The following NSD3 variants were observed in gnomAD, a reference collection of about 807,000 sequenced individuals.
NSD3 encodes the protein nuclear receptor binding SET domain protein 3, also known as histone-lysine N-methyltransferase NSD3.
In NSD3, 24 loss-of-function variants were observed where a neutral mutation model predicts 160.8. That is an observed-to-expected ratio of 0.15 (90% CI 0.11 to 0.21). The LOEUF (loss-of-function observed/expected upper bound fraction) is 0.21. Ranked by LOEUF, NSD3 falls within the 10% of genes least tolerant of loss-of-function variation. NSD3 has a pLI of 1.00. For missense variants in NSD3, 1,157 were observed against 1,735.9 expected, an observed-to-expected ratio of 0.67 and a Z score of 5.93; for synonymous variants, 520 against 600.0, an observed-to-expected ratio of 0.87 and a Z score of 1.95.
chr8:38,290,906 A>C (rs573781513), intron 16 of NSD3, among the ~76,000 whole-genome samples: 5 of 152,190 alleles, frequency 3.3e-5, no homozygotes, highest in Non-Finnish European at 5.9e-5. Context: ...AAAATATTTC[A>C]TATTTATAAA....
rs963293858 is a variant in NSD3, at chr8:38,273,533, T to C, written c.*2108A>G. 1.3e-5 allele frequency: 2 copies of C among 152,114 alleles called. No individual in the cohort carries two copies. Among genetic ancestry groups the C allele is most frequent in the Admixed American group, 6.6e-5 (1 of 15,260 alleles). 9.4% of individuals were successfully genotyped at this position (152,114 alleles called of 1,614,324 possible). On this transcript the variant is annotated 3_prime_UTR_variant, in exon 24 of 24. Coordinates refer to ENST00000317025, the MANE Select transcript of NSD3 (RefSeq NM_023034.2). ...TAAGTCTAAAAGCAAGGAGATAAGATTTCATGTTGGATACTGTTTCAAGAA... is the reference window on the plus strand; with the variant it reads ...TAAGTCTAAAAGCAAGGAGATAAGACTTCATGTTGGATACTGTTTCAAGAA...
rs911144408 is a variant in NSD3, at chr8:38,333,253, C to A, written c.911-1668G>T. Among the ~76,000 whole-genome samples the A allele has an allele frequency of 4.6e-5, 7 of 152,298 alleles. No individual in the cohort carries two copies. The East Asian group carries it at 1.2e-3, about 25-fold the overall frequency. The stretch of plus-strand genomic sequence containing the variant: ...ACAATTTCATTTTAATCTGTATTTT[C>A]AACTTCTTCCCCCATTAAATCATTT... On this transcript the variant is annotated intron_variant, in intron 4 of 23. Transcript: ENST00000317025.
intron 20 of NSD3, among the ~76,000 whole-genome samples, chr8:38,280,524 C>T (rs1232498124): frequency 1.3e-5 from 2 of 152,090 alleles, no homozygotes; most frequent in African/African-American, 4.8e-5. Flanking sequence ...ATATGATAGC[C>T]TAGAACACAG....
At chr8:38,380,040 A>G (rs1811497227) in intron 1 of NSD3, among the ~76,000 whole-genome samples, 1 of 152,208 alleles carries the variant, frequency 6.6e-6, no homozygotes, top group Non-Finnish European at 1.5e-5. Flanking sequence ...CAAACAAAAC[A>G]ACAACAAAAA....
intron 6 of NSD3, among the ~76,000 whole-genome samples, chr8:38,327,869 G>A (rs750886171): frequency 7.2e-5 from 11 of 152,154 alleles, no homozygotes; most frequent in Non-Finnish European, 1.3e-4. Context: ...TATTTTTAAT[G>A]CAATGGAATA....
In NSD3 at chr8:38,343,825, G is replaced by A. The variant is rs954205423; in HGVS notation, c.675+3672C>T. ...CTAGAGAACCAAACCTGCTACCTTA[G>A]TGTTCACGGGACTGATCCAGCCACT... On this transcript the variant is annotated intron_variant, in intron 2 of 23. Coordinates refer to ENST00000317025, the MANE Select transcript of NSD3 (RefSeq NM_023034.2). 5.9e-5 allele frequency among the ~76,000 whole-genome samples: 9 copies of A among 152,334 alleles called. No individual in the cohort carries two copies. The South Asian group carries it at 1.9e-3, about 32-fold the overall frequency.
chr8:38,355,541 G>T (rs1810804744), intron 1 of NSD3, among the ~76,000 whole-genome samples: 2 of 152,176 alleles, frequency 1.3e-5, no homozygotes, highest in Admixed American at 6.5e-5. Flanking sequence ...GAATTGAATT[G>T]TGTTACTACT....
chr8:38,327,899 T>C lies in NSD3; in HGVS notation c.1582-1043A>G, dbSNP rs867269430. Among the ~76,000 whole-genome samples, 100 of 152,340 alleles carry C rather than the reference T, an allele frequency of 6.6e-4. 1 individual carries two copies. Among genetic ancestry groups the C allele is most frequent in the Admixed American group, 5.4e-3 (83 of 15,300 alleles). On this transcript the variant is annotated intron_variant, in intron 6 of 23. Transcript: ENST00000317025. ...GGAATAGAAGTAAAGAAGTGATTTA[T>C]AAACATATATGTATTTTTTTGGCCA...
intron 7 of NSD3, among the ~76,000 whole-genome samples, chr8:38,323,336 G>A (rs1324075041): frequency 6.6e-6 from 1 of 152,102 alleles, no homozygotes. Flanking sequence ...GATTACAGGT[G>A]TGAGCCACCA....
chr8:38,337,525 A>G, intron 3 of NSD3, 58 bp from the exon 4 acceptor site: 6 of 1,376,824 alleles, frequency 4.4e-6, no homozygotes, highest in Non-Finnish European at 5.7e-6. Context: ...CTATGTATAA[A>G]GTACATTAAA....
chr8:38,352,901 CT>C (rs756603138), intron 1 of NSD3, among the ~76,000 whole-genome samples: 3 of 152,192 alleles, frequency 2.0e-5, no homozygotes, highest in Non-Finnish European at 2.9e-5. Context: ...GAAAAGAATT[CT>C]TTTGTTCAGG....
intron 12 of NSD3, among the ~76,000 whole-genome samples, chr8:38,307,284 A>G (rs559780452): frequency 1.8e-3 from 271 of 152,196 alleles, no homozygotes; most frequent in Non-Finnish European, 3.1e-3. Flanking sequence ...TCCTAAGTTC[A>G]AGTGATTCTC....
intron 1 of NSD3, among the ~76,000 whole-genome samples, chr8:38,366,697 C>T (rs1024110668): frequency 2.6e-4 from 40 of 152,084 alleles, no homozygotes; most frequent in African/African-American, 7.5e-4. Context: ...CAGGTGTGAG[C>T]CAACGTGCCC....
chr8:38,332,305 T>C (rs1418627256), intron 4 of NSD3, among the ~76,000 whole-genome samples: 2 of 152,082 alleles, frequency 1.3e-5, no homozygotes, highest in African/African-American at 4.8e-5. Context: ...CTTTAATTTC[T>C]TTTTTTCTTT....
chr8:38,349,389 G>A (rs1173622261), intron 1 of NSD3, among the ~76,000 whole-genome samples: 2 of 150,212 alleles, frequency 1.3e-5, no homozygotes, highest in Admixed American at 6.7e-5. Flanking sequence ...TTGCTATGTT[G>A]CCCAGGTAGG....
intron 1 of NSD3, among the ~76,000 whole-genome samples, chr8:38,351,688 G>T (rs897744917): frequency 4.6e-5 from 7 of 151,602 alleles, no homozygotes; most frequent in African/African-American, 1.2e-4. Context: ...ATACTATGCA[G>T]CCATAAAAAA....
intron 7 of NSD3, 53 bp downstream of exon 7, chr8:38,326,677 C>T: frequency 6.6e-7 from 1 of 1,521,478 alleles, no homozygotes; most frequent in African/African-American, 1.4e-5. Flanking sequence ...TATAGCAGAA[C>T]AGAACAAGGA....
intron 2 of NSD3, among the ~76,000 whole-genome samples, chr8:38,345,097 C>G (rs1423908474): frequency 6.6e-6 from 1 of 152,218 alleles, no homozygotes; most frequent in African/African-American, 2.4e-5. Flanking sequence ...TCAGAATGGA[C>G]TACAACTTCT....
At chr8:38,358,793 T>A (rs751792513) in intron 1 of NSD3, among the ~76,000 whole-genome samples, 1 of 152,120 alleles carries the variant, frequency 6.6e-6, no homozygotes, top group Non-Finnish European at 1.5e-5. Context: ...TAAAAACATC[T>A]TCTGAATGTG....
Sources: allele counts gnomAD v4.1 joint callset (sites outside exome capture counted in the v4.1 genomes callset), GRCh38; gene constraint gnomAD v4.1.1; transcripts MANE v1.5; gene names NCBI Gene and HGNC (gene_info 2026-07-23, HGNC 2026-07-21).